Variants in PDE4B observed in about 807,000 individuals in gnomAD.
PDE4B encodes the protein 3',5'-cyclic-AMP phosphodiesterase 4B.
Under a neutral mutation model 82.2 loss-of-function variants are expected in PDE4B, and 20 were observed. The ratio of observed to expected loss-of-function variants is 0.24; its 90% CI spans 0.17 to 0.35. The LOEUF (loss-of-function observed/expected upper bound fraction) is 0.35, where lower values mean the gene tolerates loss of function less well. Among genes scored for constraint, PDE4B ranks in the 10% least tolerant of loss-of-function variants. The probability of loss-of-function intolerance (pLI) is 1.00; values close to 1 mark genes in which losing one functional copy is unlikely to be tolerated. For missense variants in PDE4B, 655 were observed against 907.2 expected, an observed-to-expected ratio of 0.72 and a Z score of 3.57; for synonymous variants, 320 against 318.9, an observed-to-expected ratio of 1.00 and a Z score of -0.04.
At chr1:66,038,818 G>A (rs1411286874) in intron 3 of PDE4B, among the ~76,000 whole-genome samples, 1 of 152,124 alleles carries the variant, frequency 6.6e-6, no homozygotes, top group Admixed American at 6.6e-5. Flanking sequence ...CATCTAAGCA[G>A]TCATTGAGTA....
At chr1:66,274,173 T>A (rs1355815671) in intron 7 of PDE4B, among the ~76,000 whole-genome samples, 2 of 152,026 alleles carry the variant, frequency 1.3e-5, no homozygotes, top group African/African-American at 2.4e-5. Context: ...ATTTTTTTTT[T>A]TTTTGAGATA....
intron 3 of PDE4B, among the ~76,000 whole-genome samples, chr1:66,215,557 A>T (rs1053936418): frequency 6.6e-6 from 1 of 152,110 alleles, no homozygotes; most frequent in Non-Finnish European, 1.5e-5. Context: ...GTAACATAAT[A>T]TTCTACCCTC....
At chr1:66,034,862 C>A (rs1229463062) in intron 3 of PDE4B, among the ~76,000 whole-genome samples, 1 of 152,176 alleles carries the variant, frequency 6.6e-6, no homozygotes, top group Non-Finnish European at 1.5e-5. Context: ...TCCCAGAAAG[C>A]CTCTGAACCA....
At chr1:66,002,316 A>G (rs1304732987) in intron 3 of PDE4B, among the ~76,000 whole-genome samples, 3 of 151,754 alleles carry the variant, frequency 2.0e-5, no homozygotes, top group Admixed American at 6.6e-5. Context: ...TAAGTCATGT[A>G]TCAATAAACT....
At chr1:65,988,033 T>C (rs1207219791) in intron 3 of PDE4B, among the ~76,000 whole-genome samples, 1 of 152,228 alleles carries the variant, frequency 6.6e-6, no homozygotes, top group Non-Finnish European at 1.5e-5. Flanking sequence ...ATTCCAGAAA[T>C]ACAGTATTGA....
intron 3 of PDE4B, among the ~76,000 whole-genome samples, chr1:66,051,635 A>G (rs886784723): frequency 1.3e-5 from 2 of 152,174 alleles, no homozygotes; most frequent in South Asian, 2.1e-4. Context: ...TACAAAGTGA[A>G]TGAATAGATG....
At chr1:66,083,870 G>A (rs533274123) in intron 3 of PDE4B, among the ~76,000 whole-genome samples, 1 of 151,978 alleles carries the variant, frequency 6.6e-6, no homozygotes, top group Non-Finnish European at 1.5e-5. Flanking sequence ...GTATCATATG[G>A]TATTATTCTG....
chr1:66,278,969 C>T (rs1656090173), intron 7 of PDE4B, among the ~76,000 whole-genome samples: 1 of 152,084 alleles, frequency 6.6e-6, no homozygotes. Flanking sequence ...GGTCTCTGTT[C>T]TCACTGACCT....
chr1:66,184,985 C>T (rs941265626), intron 3 of PDE4B, among the ~76,000 whole-genome samples: 7 of 152,048 alleles, frequency 4.6e-5, no homozygotes, highest in Non-Finnish European at 8.8e-5. Context: ...GCTATCCCTC[C>T]CCCCTCCTCC....
chr1:66,073,475 G>T (rs897348612), intron 3 of PDE4B, among the ~76,000 whole-genome samples: 2 of 152,004 alleles, frequency 1.3e-5, no homozygotes, highest in Admixed American at 1.3e-4. Flanking sequence ...GAAGGGATGG[G>T]GAAACTAGGT....
At chr1:66,238,237 C>T (rs576191767) in intron 3 of PDE4B, among the ~76,000 whole-genome samples, 2 of 152,284 alleles carry the variant, frequency 1.3e-5, no homozygotes, top group South Asian at 2.1e-4. Flanking sequence ...AAAACACACA[C>T]GTGCAAAATT....
chr1:65,884,374 G>T (rs921411018), intron 1 of PDE4B, among the ~76,000 whole-genome samples: 25 of 152,056 alleles, frequency 1.6e-4, no homozygotes, highest in Non-Finnish European at 3.2e-4. Flanking sequence ...GTTCTTCCTG[G>T]TTTAGTCCTG....
chr1:65,906,778 A>G (rs1647032436), intron 1 of PDE4B, among the ~76,000 whole-genome samples: 1 of 152,174 alleles, frequency 6.6e-6, no homozygotes, highest in African/African-American at 2.4e-5. Context: ...TTTACAAAGA[A>G]TGTATTTTAT....
At chr1:66,087,854 T>A (rs1186867651) in intron 3 of PDE4B, among the ~76,000 whole-genome samples, 1 of 114,234 alleles carries the variant, frequency 8.8e-6, no homozygotes, top group African/African-American at 3.5e-5. Flanking sequence ...AACATCACAC[T>A]CTGGGGACTG....
At chr1:66,140,509 A>G (rs1646150605) in intron 3 of PDE4B, among the ~76,000 whole-genome samples, 1 of 152,236 alleles carries the variant, frequency 6.6e-6, no homozygotes, top group South Asian at 2.1e-4. Flanking sequence ...TAAATGTCTC[A>G]ATTTGTACTA....
chr1:65,814,078 G>A (rs1645851242), intron 1 of PDE4B, among the ~76,000 whole-genome samples: 1 of 152,142 alleles, frequency 6.6e-6, no homozygotes, highest in Non-Finnish European at 1.5e-5. Context: ...CGAGAGCCAG[G>A]TGAACAGAAG....
chr1:66,293,871 G>A (rs1657295466), intron 7 of PDE4B, among the ~76,000 whole-genome samples: 1 of 152,174 alleles, frequency 6.6e-6, no homozygotes, highest in Admixed American at 6.6e-5. Flanking sequence ...AACTGGTTGA[G>A]AACTCCAGAT....
intron 3 of PDE4B, among the ~76,000 whole-genome samples, chr1:66,132,203 A>G (rs1258352440): frequency 6.6e-6 from 1 of 152,198 alleles, no homozygotes; most frequent in Non-Finnish European, 1.5e-5. Flanking sequence ...AACTGAGTAT[A>G]TTCAATGAAC....
intron 4 of PDE4B, 41 bp downstream of exon 4, chr1:66,247,695 C>T (rs1242950323): frequency 6.9e-7 from 1 of 1,439,716 alleles, no homozygotes; most frequent in South Asian, 1.4e-5. Flanking sequence ...TCACATTTAC[C>T]TCATCTCTAC....
Sources: gnomAD v4.1 joint callset for allele counts (sites outside exome capture counted in the v4.1 genomes callset) on GRCh38, gnomAD v4.1.1 for gene constraint, MANE v1.5 for transcripts, NCBI Gene and HGNC (gene_info 2026-07-23, HGNC 2026-07-21) for gene names.